Variants in PRKAG2 observed in about 807,000 individuals in gnomAD.
PRKAG2 encodes 5'-AMP-activated protein kinase subunit gamma-2.
Under a neutral mutation model 69.6 loss-of-function variants are expected in PRKAG2, and 26 were observed. That is an observed-to-expected ratio of 0.37 (90% confidence interval 0.27 to 0.52). PRKAG2 has a LOEUF of 0.52. Ranked by LOEUF, PRKAG2 falls within the 20% of genes least tolerant of loss-of-function variation. The pLI is 0.90. For missense variants in PRKAG2, 557 were observed against 740.0 expected (o/e 0.75, Z 2.87); for synonymous variants, 293 against 285.0 (o/e 1.03, Z -0.28).
intron 4 of PRKAG2, among the ~76,000 whole-genome samples, chr7:151,671,202 G>A (rs572955670): frequency 6.9e-5 from 10 of 145,082 alleles, no homozygotes; most frequent in Non-Finnish European, 1.1e-4. Flanking sequence ...AAAAAAAGGA[G>A]TGCTGTCTTC....
At chr7:151,760,726 C>G (rs1019620575) in intron 3 of PRKAG2, among the ~76,000 whole-genome samples, 2 of 152,218 alleles carry the variant, frequency 1.3e-5, no homozygotes, top group Non-Finnish European at 2.9e-5. Context: ...CACTCTCTCG[C>G]TCTGCTTTCC....
chr7:151,564,650 G>C (rs550433462), intron 13 of PRKAG2, among the ~76,000 whole-genome samples: 1 of 152,246 alleles, frequency 6.6e-6, no homozygotes, highest in South Asian at 2.1e-4. Flanking sequence ...GGGGAACAAG[G>C]TTTCTGCTGG....
chr7:151,589,150 C>T (rs551509816), intron 6 of PRKAG2, among the ~76,000 whole-genome samples: 7 of 152,386 alleles, frequency 4.6e-5, no homozygotes, highest in African/African-American at 1.7e-4. Flanking sequence ...GGGCTCCTGT[C>T]TGCCTGCAGC....
Position 151,632,324 on chromosome 7 carries a change from C to A in PRKAG2, c.685-186G>T, listed in dbSNP as rs1331753356. On this transcript the variant is annotated intron_variant, in intron 4 of 15. Transcript: ENST00000287878. The surrounding 1 kb of genome is among the most constrained non-coding windows in gnomAD (Gnocchi z 4.2). Reference sequence around the variant, plus strand: ...AGCGCTGCCCCCACCCGCCCGAGGCCGCCGCCGCCGCCGCAGGTGGCGCGG... The same window carrying A: ...AGCGCTGCCCCCACCCGCCCGAGGCAGCCGCCGCCGCCGCAGGTGGCGCGG... 7.5e-6 allele frequency: 5 copies of A among 670,294 alleles called. No individual in the cohort carries two copies. Among genetic ancestry groups the A allele is most frequent in the African/African-American group, 2.0e-5 (1 of 50,778 alleles). The allele number at this position is 670,294 out of a possible 1,614,324, so 41.5% of individuals were successfully genotyped here. A position where few individuals can be genotyped will look rare whatever the true frequency, so the allele number is the denominator to read the frequency against.
chr7:151,629,844 C>G (rs893080282), intron 5 of PRKAG2, among the ~76,000 whole-genome samples: 1 of 152,024 alleles, frequency 6.6e-6, no homozygotes, highest in Admixed American at 6.6e-5. Flanking sequence ...TCAAGGGCTC[C>G]CTATTATGTA....
intron 3 of PRKAG2, among the ~76,000 whole-genome samples, chr7:151,751,354 T>C (rs1221592444): frequency 6.6e-6 from 1 of 152,074 alleles, no homozygotes; most frequent in African/African-American, 2.4e-5. Context: ...GACCTCGTGA[T>C]CTGCCTGCCT....
At chr7:151,776,621 T>C (rs1312012169) in intron 3 of PRKAG2, among the ~76,000 whole-genome samples, 1 of 152,184 alleles carries the variant, frequency 6.6e-6, no homozygotes, top group Non-Finnish European at 1.5e-5. Context: ...CCCGCTCCCT[T>C]CGCAGCTGTC....
chr7:151,707,191 G>A (rs957151490), intron 3 of PRKAG2, among the ~76,000 whole-genome samples: 3 of 152,144 alleles, frequency 2.0e-5, no homozygotes, highest in East Asian at 3.9e-4. Context: ...TCCTCCCTCC[G>A]ACGCTGCCCA....
intron 14 of PRKAG2, among the ~76,000 whole-genome samples, chr7:151,563,666 A>G (rs1180463136): frequency 2.0e-5 from 3 of 152,220 alleles, no homozygotes; most frequent in Admixed American, 2.0e-4. Context: ...TGAAATATCA[A>G]GCTCTTGGAT....
chr7:151,717,445 T>G (rs1269792838), intron 3 of PRKAG2, among the ~76,000 whole-genome samples: 1 of 152,170 alleles, frequency 6.6e-6, no homozygotes, highest in Non-Finnish European at 1.5e-5. Flanking sequence ...ATATTTGACT[T>G]GAATTTCATA....
chr7:151,669,784 G>T (rs529145620), intron 4 of PRKAG2, among the ~76,000 whole-genome samples: 1 of 135,064 alleles, frequency 7.4e-6, no homozygotes, highest in Non-Finnish European at 1.6e-5. Context: ...ACACTTGCAC[G>T]CACACACCTG....
At chr7:151,740,663 T>G (rs1312291104) in intron 3 of PRKAG2, among the ~76,000 whole-genome samples, 1 of 152,162 alleles carries the variant, frequency 6.6e-6, no homozygotes, top group Non-Finnish European at 1.5e-5. Flanking sequence ...AGATAAACAA[T>G]GCTAACTGCA....
At chr7:151,594,465 A>G (rs1813966935) in intron 6 of PRKAG2, among the ~76,000 whole-genome samples, 1 of 152,246 alleles carries the variant, frequency 6.6e-6, no homozygotes, top group Non-Finnish European at 1.5e-5. Context: ...ATTATAAGTT[A>G]CATTGATATA....
chr7:151,729,646 T>A (rs568944312), intron 3 of PRKAG2, among the ~76,000 whole-genome samples: 1 of 152,240 alleles, frequency 6.6e-6, no homozygotes, highest in African/African-American at 2.4e-5. Context: ...ATACACTGGC[T>A]GCTGTGCCCA....
chr7:151,566,630 A>G, intron 11 of PRKAG2: 1 of 443,332 alleles, frequency 2.3e-6, no homozygotes. Context: ...ATTATCAGGA[A>G]AAGATGAACA....
chr7:151,870,951 G>A (rs545519781), intron 1 of PRKAG2, among the ~76,000 whole-genome samples: 4 of 152,276 alleles, frequency 2.6e-5, no homozygotes, highest in South Asian at 2.1e-4. Flanking sequence ...GAGGGCCAGC[G>A]ACATGTACAT....
rs1805996350 is a variant in PRKAG2, at chr7:151,565,326, A to C, written c.1437+20T>G. On this transcript the variant is annotated intron_variant, in intron 13 of 15. Transcript: ENST00000287878. Reference sequence around the variant, plus strand: ...AAAATGCATTCTAGGTGACAGATTGAACAAAATTAAAATACTTACAATTAC... The same window carrying C: ...AAAATGCATTCTAGGTGACAGATTGCACAAAATTAAAATACTTACAATTAC... The C allele has an allele frequency of 7.3e-7, 1 of 1,373,242 alleles. No individual in the cohort carries two copies. Among genetic ancestry groups the C allele is most frequent in the Admixed American group, 1.9e-5 (1 of 52,214 alleles). The allele number at this position is 1,373,242 out of a possible 1,614,324, so 85.1% of individuals were successfully genotyped here.
intron 1 of PRKAG2, among the ~76,000 whole-genome samples, chr7:151,824,013 C>T (rs2078853723): frequency 6.6e-6 from 1 of 152,152 alleles, no homozygotes; most frequent in South Asian, 2.1e-4. Context: ...TGGGAGGCCC[C>T]CAGTTATTCT....
At chr7:151,677,597 T>C (rs912225860) in intron 3 of PRKAG2, among the ~76,000 whole-genome samples, 4 of 152,246 alleles carry the variant, frequency 2.6e-5, no homozygotes, top group African/African-American at 9.6e-5. Flanking sequence ...TTAAATTACA[T>C]GTAGCCTAGA....
Sources: allele counts gnomAD v4.1 joint callset (sites outside exome capture counted in the v4.1 genomes callset), GRCh38; gene constraint gnomAD v4.1.1; non-coding constraint Gnocchi (gnomAD v3.1); transcripts MANE v1.5; gene names NCBI Gene and HGNC (gene_info 2026-07-23, HGNC 2026-07-21).